Variants in ACOT13 observed in about 807,000 individuals in gnomAD.
The protein encoded by ACOT13 is acyl-CoA thioesterase 13, also known as acyl-coenzyme A thioesterase 13.
ACOT13 carries 10 observed loss-of-function variants against 11.8 expected under a neutral mutation model. The observed-to-expected ratio is 0.85, with a 90% CI of 0.53 to 1.44. ACOT13 has a LOEUF of 1.44. Ranked by LOEUF, ACOT13 falls within the 40% of genes most tolerant of loss-of-function variation. The pLI, the probability that ACOT13 is intolerant of heterozygous loss-of-function variation, is 0.00. For synonymous variants in ACOT13, 53 were observed against 61.0 expected (o/e 0.87, Z 0.61); for missense variants, 172 against 174.1 (o/e 0.99, Z 0.07).
intron 1 of ACOT13, among the ~76,000 whole-genome samples, chr6:24,682,001 GA>G (rs1778559741): frequency 6.6e-6 from 1 of 152,170 alleles, no homozygotes; most frequent in Admixed American, 6.5e-5. Flanking sequence ...AGTTCTGGAC[GA>G]CAGCTTTCTG....
At chr6:24,692,228 G>C (rs948265740) in intron 1 of ACOT13, among the ~76,000 whole-genome samples, 5 of 152,108 alleles carry the variant, frequency 3.3e-5, no homozygotes, top group African/African-American at 1.2e-4. Flanking sequence ...GGAAGGCTAG[G>C]AAAAGTTCAC....
intron 1 of ACOT13, chr6:24,687,821 C>T (rs1778657090): frequency 4.3e-6 from 4 of 935,642 alleles, no homozygotes; most frequent in South Asian, 4.2e-5. Flanking sequence ...AAGTATTTCT[C>T]CTGCTTCAGC....
At chr6:24,674,402 G>GTTT (rs70974927) in intron 1 of ACOT13, among the ~76,000 whole-genome samples, 2 of 150,946 alleles carry the variant, frequency 1.3e-5, no homozygotes, top group Admixed American at 6.6e-5. Context: ...TTTTTGGGGG[G>GTTT]TTTTGTTTGT....
At chr6:24,671,660 A>G (rs1387786359) in intron 1 of ACOT13, among the ~76,000 whole-genome samples, 1 of 152,186 alleles carries the variant, frequency 6.6e-6, no homozygotes, top group Non-Finnish European at 1.5e-5. Context: ...ATAAATAATG[A>G]ATCTCAAAAA....
intron 1 of ACOT13, among the ~76,000 whole-genome samples, chr6:24,672,944 C>T (rs745507900): frequency 2.6e-5 from 4 of 152,212 alleles, no homozygotes; most frequent in East Asian, 1.9e-4. Context: ...TTTTGATTGG[C>T]GTCTTCTACG....
chr6:24,677,571 C>T (rs184607273), intron 1 of ACOT13, among the ~76,000 whole-genome samples: 1 of 152,280 alleles, frequency 6.6e-6, no homozygotes, highest in Admixed American at 6.5e-5. Flanking sequence ...TATAAGGACT[C>T]CTAGAGCTAT....
At chr6:24,684,781 G>C (rs958730199) in intron 1 of ACOT13, among the ~76,000 whole-genome samples, 3 of 141,520 alleles carry the variant, frequency 2.1e-5, no homozygotes, top group African/African-American at 8.0e-5. Context: ...GGGAGGCCCA[G>C]GTGGGAAGGT....
intron 1 of ACOT13, among the ~76,000 whole-genome samples, chr6:24,689,231 A>G (rs1211908781): frequency 6.6e-6 from 1 of 152,228 alleles, no homozygotes; most frequent in East Asian, 1.9e-4. Context: ...TGTCATATAC[A>G]AATAAAGCAT....
chr6:24,687,884 G>GT (rs1486787822), intron 1 of ACOT13, among the ~76,000 whole-genome samples: 8 of 151,710 alleles, frequency 5.3e-5, no homozygotes, highest in Non-Finnish European at 8.8e-5. Context: ...GCTAATTTGT[G>GT]TATTTTTAGC....
intron 1 of ACOT13, among the ~76,000 whole-genome samples, chr6:24,692,275 G>A (rs1778728449): frequency 6.6e-6 from 1 of 152,242 alleles, no homozygotes; most frequent in South Asian, 2.1e-4. Flanking sequence ...TTAAGGGAAA[G>A]AGAGGCTGCC....
intron 1 of ACOT13, among the ~76,000 whole-genome samples, chr6:24,674,566 G>T (rs549124835): frequency 1.3e-5 from 2 of 151,734 alleles, no homozygotes. Context: ...CTGCCACCAC[G>T]CCTGGCTAAT....
intron 1 of ACOT13, among the ~76,000 whole-genome samples, chr6:24,677,609 A>T (rs1268784736): frequency 6.6e-6 from 1 of 152,208 alleles, no homozygotes; most frequent in Non-Finnish European, 1.5e-5. Context: ...CATATAAAGA[A>T]AAGTCTTGCC....
chr6:24,678,328 A>C (rs1048912961), intron 1 of ACOT13, among the ~76,000 whole-genome samples: 30 of 152,160 alleles, frequency 2.0e-4, no homozygotes, highest in African/African-American at 7.2e-4. Flanking sequence ...CAGGGTATAG[A>C]GGAAGAACAG....
chr6:24,688,370 C>G (rs1778667978), intron 1 of ACOT13, among the ~76,000 whole-genome samples: 1 of 151,666 alleles, frequency 6.6e-6, no homozygotes, highest in Non-Finnish European at 1.5e-5. Flanking sequence ...GAGATCCCAT[C>G]TCTACAAAAA....
chr6:24,698,300 CAA>C (rs1490179156), intron 2 of ACOT13, among the ~76,000 whole-genome samples: 5 of 152,130 alleles, frequency 3.3e-5, no homozygotes, highest in African/African-American at 9.7e-5. Flanking sequence ...CCCAAACATT[CAA>C]AAGAGCAACA....
At chr6:24,701,379 A>G (rs62400785) in intron 2 of ACOT13, 80 bp from the exon 3 acceptor site, 19 of 1,299,480 alleles carry the variant, frequency 1.5e-5, no homozygotes, top group African/African-American at 3.0e-5. Context: ...AATAAGTTAC[A>G]TAGGAACACT....
chr6:24,696,971 T>C (rs1778804476), intron 1 of ACOT13, among the ~76,000 whole-genome samples: 1 of 152,192 alleles, frequency 6.6e-6, no homozygotes, highest in African/African-American at 2.4e-5. Flanking sequence ...AGACTGGGTT[T>C]CACCATGTTG....
intron 1 of ACOT13, among the ~76,000 whole-genome samples, chr6:24,686,694 C>CTT (rs1778636917): frequency 7.0e-6 from 1 of 143,824 alleles, no homozygotes; most frequent in African/African-American, 2.6e-5. Flanking sequence ...CTCTTCTCTT[C>CTT]TTCTTTTCTT....
At position 24,674,677 on chromosome 6, in the gene ACOT13, A is replaced by G. The variant is rs537242802; in HGVS notation, c.81+7333A>G. ...GTGATCTGACTGCCTTGGCCTCCCA[A>G]AATGCTGGGATTACAGGCATGAGTC... On this transcript the variant is annotated intron_variant, in intron 1 of 2. Coordinates refer to ENST00000230048, the MANE Select transcript of ACOT13 (RefSeq NM_018473.4). Among the ~76,000 whole-genome samples, 3 of 152,264 alleles carry G rather than the reference A, an allele frequency of 2.0e-5. No individual in the cohort carries two copies. In the East Asian group the frequency reaches 5.8e-4, roughly 29 times the overall value.
Sources: gnomAD v4.1 joint callset for allele counts (sites outside exome capture counted in the v4.1 genomes callset) on GRCh38, gnomAD v4.1.1 for gene constraint, MANE v1.5 for transcripts, NCBI Gene and HGNC (gene_info 2026-07-23, HGNC 2026-07-21) for gene names.